The following FMO5 variants were observed in gnomAD, a reference collection of about 807,000 sequenced individuals.
FMO5 encodes flavin-containing monooxygenase 5.
A neutral mutation model predicts 43.6 loss-of-function variants in FMO5; 51 were observed. That is an observed-to-expected ratio of 1.17 (90% CI 0.93 to 1.48). FMO5 has a LOEUF of 1.48. Ranked by LOEUF, FMO5 falls within the 40% of genes most tolerant of loss-of-function variation. FMO5 has a pLI of 0.00. For missense variants in FMO5, 644 were observed against 643.0 expected (o/e 1.00, Z -0.02); for synonymous variants, 187 against 216.5 (o/e 0.86, Z 1.20).
At chr1:147,204,829 G>A in intron 6 of FMO5, 3 of 1,603,202 alleles carry the variant, frequency 1.9e-6, no homozygotes, top group Non-Finnish European at 2.6e-6. Flanking sequence ...CTCCTTGCAA[G>A]CTTGTATGTT....
In FMO5 at chr1:147,190,111, C is replaced by A. The variant is rs587634687; in HGVS notation, c.1256+66G>T. The A allele has an allele frequency of 5.0e-4, 554 of 1,101,266 alleles. 8 individuals carry two copies. In the Middle Eastern group the frequency reaches 6.0e-3, roughly 12 times the overall value. The allele number at this position is 1,101,266 out of a possible 1,614,324, so 68.2% of individuals were successfully genotyped here. On this transcript the variant is annotated intron_variant, in intron 8 of 8. Coordinates refer to ENST00000254090, the MANE Select transcript of FMO5 (RefSeq NM_001461.4). Reference sequence around the variant, plus strand: ...TAACATGAGGCAGTTAAATACAGTACAATATTTCTTTTATTAAGAAATAAG... The same window carrying A: ...TAACATGAGGCAGTTAAATACAGTAAAATATTTCTTTTATTAAGAAATAAG...
rs1660294370 is a variant in FMO5, at chr1:147,207,450, C to T, written c.830+1402G>A. ...ATCAGCCTCTAGAAATGTTTTCCCT[C>T]CCTGGTTCTCTGAGGACCCCATCCT... is the stretch of plus-strand genomic sequence containing the variant. On this transcript the variant is annotated intron_variant, in intron 6 of 8. Coordinates refer to ENST00000254090, the MANE Select transcript of FMO5 (RefSeq NM_001461.4). Among the ~76,000 whole-genome samples the T allele has an allele frequency of 3.3e-5, 5 of 152,106 alleles. No homozygotes were observed. In the South Asian group the frequency reaches 1.0e-3, roughly 32 times the overall value.
At chr1:147,209,686 G>A (rs1448423177) in intron 5 of FMO5, 1 of 152,202 alleles carries the variant, frequency 6.6e-6, no homozygotes, top group East Asian at 1.9e-4. Flanking sequence ...TCATTTTTAA[G>A]ACCCAGATCA....
chr1:147,184,391 A>G (rs1553916643), downstream of FMO5: 1 of 1,258,156 alleles, frequency 7.9e-7, no homozygotes, highest in African/African-American at 1.5e-5. The surrounding 1 kb of genome is among the most constrained non-coding windows in gnomAD (Gnocchi z 4.4). Context: ...TTGATACATT[A>G]TTAACCAAAA....
intron 5 of FMO5, chr1:147,210,609 A>C (rs970804710): frequency 6.6e-6 from 1 of 152,202 alleles, no homozygotes; most frequent in South Asian, 2.1e-4. Flanking sequence ...TGCTGGCTAT[A>C]TAACTTCTGC....
At chr1:147,202,539 C>T (rs931347610) in intron 6 of FMO5, among the ~76,000 whole-genome samples, 5 of 151,938 alleles carry the variant, frequency 3.3e-5, no homozygotes, top group East Asian at 3.9e-4. Context: ...AAGCTGGTCT[C>T]GAACTCCTGA....
chr1:147,196,584 G>GA (rs1276869645), intron 7 of FMO5, among the ~76,000 whole-genome samples: 2 of 151,828 alleles, frequency 1.3e-5, no homozygotes, highest in Non-Finnish European at 2.9e-5. Context: ...CTCATGGGGT[G>GA]AAAAAATTTA....
At chr1:147,209,775 T>A (rs1242342890) in intron 5 of FMO5, 4 of 152,250 alleles carry the variant, frequency 2.6e-5, no homozygotes, top group African/African-American at 9.6e-5. Flanking sequence ...TCTCTAGCAC[T>A]TATCACCTGT....
At chr1:147,192,479 T>A (rs1657068188) in intron 7 of FMO5, among the ~76,000 whole-genome samples, 1 of 152,148 alleles carries the variant, frequency 6.6e-6, no homozygotes, top group South Asian at 2.1e-4. Context: ...TGACTTCCTC[T>A]TTTCCTAATC....
upstream of FMO5, among the ~76,000 whole-genome samples, chr1:147,226,190 T>C (rs150953201): frequency 1.8e-3 from 278 of 151,834 alleles, 1 homozygote; most frequent in Non-Finnish European, 1.1e-3. Context: ...GCAGCAGTAG[T>C]AGCAGTGGTC....
intron 5 of FMO5, chr1:147,210,773 G>A (rs1323983967): frequency 1.3e-5 from 2 of 152,016 alleles, no homozygotes; most frequent in Non-Finnish European, 2.9e-5. Flanking sequence ...AGTGCTTAAT[G>A]GCTGTCATAT....
Position 147,187,097 on chromosome 1 carries a change from T to G in FMO5, c.1405A>C (p.Thr469Pro), listed in dbSNP as rs782551856. The G allele has an allele frequency of 6.2e-7, 1 of 1,613,928 alleles. No individual in the cohort carries two copies. The highest frequency in any genetic ancestry group is 8.5e-7 in the Non-Finnish European group (1 of 1,179,976). The change falls in exon 9 of 9, where the codon ACT (threonine) becomes CCT (proline). Residue 469 changes from threonine to proline, a missense_variant. Transcript: ENST00000254090. ...LALHLLLGPC[T>P]PIHYRVQGPG... ...CCCTGTACACGATAGTGGATTGGAG[T>G]GCAGGGTCCCAGTAATAAGTGTAAT... is the stretch of plus-strand genomic sequence containing the variant.
At position 147,215,765 on chromosome 1, in the gene FMO5, T is replaced by C; in HGVS notation, c.313A>G (p.Ile105Val). The change falls in exon 3 of 9, where the codon ATT (isoleucine) becomes GTT (valine). Residue 105 changes from isoleucine to valine, a missense_variant. Physicochemically the swap from Ile to Val is conservative, Grantham distance 29. Transcript: ENST00000254090. ...ACACAATTTTCTACCTTAAATCGAA[T>C]ATACTTTAGAAGGTCAAATTCTTTG... The part of the protein sequence containing the change: ...YAKEFDLLKY[I>V]RFKTTVCSVK... 1.2e-6 allele frequency: 2 copies of C among 1,600,750 alleles called. No individual in the cohort carries two copies.
At chr1:147,185,770 CTTAG>C (rs1440903429), downstream of FMO5, among the ~76,000 whole-genome samples, 1 of 152,172 alleles carries the variant, frequency 6.6e-6, no homozygotes, top group African/African-American at 2.4e-5. Flanking sequence ...ACAGCTGACA[CTTAG>C]TTAATTTCTC....
Position 147,215,904 on chromosome 1 carries a change from T to A in FMO5, c.174A>T (p.Ser58=), listed in dbSNP as rs1553924963. The stretch of plus-strand genomic sequence containing the variant: ...TCTCTTTAGAAGTATTGATGATCAC[T>A]GATTTGTAAATACTGGCCCTTCCTT... ...PEEGRASIYK[S]VIINTSKEMM... The change falls in exon 3 of 9, where the codon TCA becomes TCT. Residue 58 remains serine, a synonymous_variant. Transcript: ENST00000254090. 6.2e-7 allele frequency: 1 copy of A among 1,612,594 alleles called. No individual in the cohort carries two copies. Among genetic ancestry groups the A allele is most frequent in the Non-Finnish European group, 8.5e-7 (1 of 1,179,448 alleles).
intron 7 of FMO5, among the ~76,000 whole-genome samples, chr1:147,196,553 T>A (rs1658044404): frequency 6.6e-6 from 1 of 151,924 alleles, no homozygotes; most frequent in African/African-American, 2.4e-5. Flanking sequence ...GATAAAGAGG[T>A]ATATACATCT....
chr1:147,213,085 G>A (rs782749619), intron 4 of FMO5, among the ~76,000 whole-genome samples: 1 of 152,030 alleles, frequency 6.6e-6, no homozygotes, highest in Non-Finnish European at 1.5e-5. Flanking sequence ...AATGACTAAA[G>A]TCATTGTAAA....
At chr1:147,204,707 G>C in intron 6 of FMO5, 1 of 1,535,234 alleles carries the variant, frequency 6.5e-7, no homozygotes, top group Non-Finnish European at 9.0e-7. Context: ...TGTACTTCTA[G>C]TTCTCTTAAA....
rs1250656118 is a variant in FMO5 at position 147,190,119 on chromosome 1, C to A, written c.1256+58G>T. ...GGCAGTTAAATACAGTACAATATTT[C>A]TTTTATTAAGAAATAAGTAGAAATG... On this transcript the variant is annotated intron_variant, in intron 8 of 8. Coordinates refer to ENST00000254090, the MANE Select transcript of FMO5 (RefSeq NM_001461.4). 7.6e-6 allele frequency: 9 copies of A among 1,189,048 alleles called. No homozygotes were observed. In the African/African-American group the frequency reaches 7.6e-5, roughly 10 times the overall value. 73.7% of individuals were successfully genotyped at this position (1,189,048 alleles called of 1,614,324 possible).
Sources: allele counts gnomAD v4.1 joint callset (sites outside exome capture counted in the v4.1 genomes callset), GRCh38; gene constraint gnomAD v4.1.1; non-coding constraint Gnocchi (gnomAD v3.1); transcripts MANE v1.5; gene names NCBI Gene and HGNC (gene_info 2026-07-23, HGNC 2026-07-21).